The following EEA1 variants were observed in gnomAD, a reference collection of about 807,000 sequenced individuals.
EEA1 encodes early endosome antigen 1, also known as early endosome antigen 1, 162kD.
EEA1 carries 111 observed loss-of-function variants against 209.2 expected under a neutral mutation model. The ratio of observed to expected loss-of-function variants is 0.53; its 90% CI spans 0.45 to 0.62. EEA1 has a LOEUF of 0.62. EEA1 is among the 20% of genes least tolerant of loss of function. EEA1 has a pLI of 0.00. For synonymous variants in EEA1, 536 were observed against 540.6 expected, an observed-to-expected ratio of 0.99 and a Z score of 0.12; for missense variants, 1,343 against 1,530.8, an observed-to-expected ratio of 0.88 and a Z score of 2.05.
intron 22 of EEA1, among the ~76,000 whole-genome samples, chr12:92,786,801 T>C (rs1874153640): frequency 6.6e-6 from 1 of 152,184 alleles, no homozygotes; most frequent in Non-Finnish European, 1.5e-5. Flanking sequence ...GACTTTTCAC[T>C]TTTTCCCCTC....
chr12:92,787,361 CA>C (rs1342227351), intron 22 of EEA1, among the ~76,000 whole-genome samples: 1 of 152,042 alleles, frequency 6.6e-6, no homozygotes, highest in African/African-American at 2.4e-5. Context: ...TTTATCTAAT[CA>C]AATAACATTA....
At chr12:92,793,234 C>T (rs912209355) in intron 21 of EEA1, among the ~76,000 whole-genome samples, 3 of 152,136 alleles carry the variant, frequency 2.0e-5, no homozygotes, top group African/African-American at 7.2e-5. Flanking sequence ...ACAAGGATGC[C>T]CTCTCTCACC....
At chr12:92,900,288 C>T (rs767476532) in intron 1 of EEA1, among the ~76,000 whole-genome samples, 1 of 152,134 alleles carries the variant, frequency 6.6e-6, no homozygotes, top group Admixed American at 6.6e-5. Flanking sequence ...AAATAAAGTC[C>T]TCAAGTTGTT....
chr12:92,894,384 A>C (rs146258802), intron 1 of EEA1, among the ~76,000 whole-genome samples: 23 of 152,338 alleles, frequency 1.5e-4, no homozygotes, highest in African/African-American at 5.3e-4. Flanking sequence ...CAAAAGCTAG[A>C]AATGATTAAG....
chr12:92,854,080 A>G (rs1877756128), intron 5 of EEA1, 126 bp from the exon 6 acceptor site: 2 of 688,986 alleles, frequency 2.9e-6, no homozygotes, highest in East Asian at 6.6e-5. Flanking sequence ...TTTGGTGAAA[A>G]TTTAAATTTG....
intron 3 of EEA1, among the ~76,000 whole-genome samples, chr12:92,864,216 T>A (rs905139584): frequency 2.0e-5 from 3 of 152,194 alleles, no homozygotes; most frequent in African/African-American, 7.2e-5. Context: ...AGCAGATTAA[T>A]CAACCAGTAA....
intron 1 of EEA1, among the ~76,000 whole-genome samples, chr12:92,924,406 A>C (rs1025423507): frequency 4.0e-5 from 6 of 151,820 alleles, no homozygotes; most frequent in African/African-American, 1.5e-4. Flanking sequence ...ACGGGGTTTC[A>C]CTATGTTGGC....
intron 23 of EEA1, among the ~76,000 whole-genome samples, chr12:92,781,272 A>C (rs1279420092): frequency 6.6e-6 from 1 of 152,196 alleles, no homozygotes; most frequent in Non-Finnish European, 1.5e-5. Context: ...ATTTCATTCC[A>C]GCTTCACCAT....
At position 92,858,562 on chromosome 12, in the gene EEA1, C is replaced by A. The variant is rs1375354462; in HGVS notation, c.246-1077G>T. ...TTTAACCATTGTCTTAGCATACAAGCTTAAAGCCAAACTGGCAGAACTACG... is the reference window on the plus strand; with the variant it reads ...TTTAACCATTGTCTTAGCATACAAGATTAAAGCCAAACTGGCAGAACTACG... On this transcript the variant is annotated intron_variant, in intron 3 of 28. Coordinates refer to ENST00000322349, the MANE Select transcript of EEA1 (RefSeq NM_003566.4). 9 of 763,152 alleles carry A rather than the reference C, an allele frequency of 1.2e-5. No homozygotes were observed. The East Asian group carries it at 2.2e-4, about 19-fold the overall frequency. 47.3% of individuals were successfully genotyped at this position (763,152 alleles called of 1,614,324 possible). A position where few individuals can be genotyped will look rare whatever the true frequency, so the allele number is the denominator to read the frequency against.
intron 18 of EEA1, among the ~76,000 whole-genome samples, chr12:92,807,042 C>T (rs1458752994): frequency 6.6e-6 from 1 of 152,028 alleles, no homozygotes; most frequent in Non-Finnish European, 1.5e-5. Context: ...AAACTTCTGC[C>T]TCCCAGGTTC....
Position 92,778,292 on chromosome 12 carries a change from A to C in EEA1, c.3655-113T>G, listed in dbSNP as rs140990567. On this transcript the variant is annotated intron_variant, in intron 25 of 28. Coordinates refer to ENST00000322349, the MANE Select transcript of EEA1 (RefSeq NM_003566.4). ...AATTTGCTTCTTCGGGAATGGAGGC[A>C]GGAGAACATATTTCATTACACATTA... The C allele has an allele frequency of 2.6e-3, 1,953 of 757,370 alleles. 31 individuals carry two copies. The African/African-American group carries it at 0.027, about 11-fold the overall frequency. 46.9% of individuals were successfully genotyped at this position (757,370 alleles called of 1,614,324 possible).
At chr12:92,905,351 A>G (rs1436338289) in intron 1 of EEA1, 2 of 152,274 alleles carry the variant, frequency 1.3e-5, no homozygotes, top group Non-Finnish European at 2.9e-5. Context: ...TGTAATCCCA[A>G]CAATGGGAGG....
At chr12:92,863,391 T>C (rs1878233158) in intron 3 of EEA1, among the ~76,000 whole-genome samples, 1 of 152,166 alleles carries the variant, frequency 6.6e-6, no homozygotes, top group Non-Finnish European at 1.5e-5. Flanking sequence ...TCTTGGAACA[T>C]ACTACCTTAG....
chr12:92,791,604 G>T (rs891803381), intron 21 of EEA1, among the ~76,000 whole-genome samples: 1 of 152,132 alleles, frequency 6.6e-6, no homozygotes, highest in Non-Finnish European at 1.5e-5. Flanking sequence ...CCCAATACAG[G>T]AGCACCCAGA....
At chr12:92,904,329 A>G (rs531142154) in intron 1 of EEA1, among the ~76,000 whole-genome samples, 1 of 152,344 alleles carries the variant, frequency 6.6e-6, no homozygotes, top group East Asian at 1.9e-4. Context: ...TAATTATCAA[A>G]CACTCACCAT....
intron 1 of EEA1, among the ~76,000 whole-genome samples, chr12:92,903,002 T>C (rs1220796665): frequency 6.6e-6 from 1 of 151,240 alleles, no homozygotes; most frequent in Non-Finnish European, 1.5e-5. Flanking sequence ...CGGCGCGATC[T>C]TGACTTACTG....
intron 1 of EEA1, among the ~76,000 whole-genome samples, chr12:92,925,072 T>G (rs1417493437): frequency 6.6e-6 from 1 of 151,506 alleles, no homozygotes; most frequent in Non-Finnish European, 1.5e-5. Flanking sequence ...TGTATGAATC[T>G]CTGAACAATT....
At chr12:92,896,878 A>G (rs1237280189) in intron 1 of EEA1, among the ~76,000 whole-genome samples, 1 of 152,220 alleles carries the variant, frequency 6.6e-6, no homozygotes, top group African/African-American at 2.4e-5. Flanking sequence ...TTCCACAAGC[A>G]AAAAGATTAT....
chr12:92,794,558 A>C (rs921201960), intron 21 of EEA1, among the ~76,000 whole-genome samples: 15 of 152,210 alleles, frequency 9.9e-5, no homozygotes, highest in Admixed American at 6.5e-4. Flanking sequence ...GCCTTAAAAA[A>C]GGATGAGTTC....
Sources: allele counts gnomAD v4.1 joint callset (sites outside exome capture counted in the v4.1 genomes callset), GRCh38; gene constraint gnomAD v4.1.1; transcripts MANE v1.5; gene names NCBI Gene and HGNC (gene_info 2026-07-23, HGNC 2026-07-21).